The following ZFP69 variants were observed in gnomAD, a reference collection of about 807,000 sequenced individuals.
ZFP69 encodes ZFP69 zinc finger protein, also known as zinc finger protein 69 homolog.
Under a neutral mutation model 48.9 loss-of-function variants are expected in ZFP69, and 35 were observed. That is an observed-to-expected ratio of 0.72 (90% confidence interval 0.55 to 0.95). The LOEUF (loss-of-function observed/expected upper bound fraction) is 0.95, where lower values mean the gene tolerates loss of function less well. Among genes scored for constraint, ZFP69 ranks in the 40% least tolerant of loss-of-function variants. The pLI, the probability that ZFP69 is intolerant of heterozygous loss-of-function variation, is 0.00. For missense variants in ZFP69, 557 were observed against 638.4 expected (o/e 0.87, Z 1.37); for synonymous variants, 193 against 216.8 (o/e 0.89, Z 0.96).
At chr1:40,487,775 G>A (rs1194997734) in intron 3 of ZFP69, among the ~76,000 whole-genome samples, 5 of 152,126 alleles carry the variant, frequency 3.3e-5, no homozygotes, top group African/African-American at 1.2e-4. Context: ...GGCCGGGCGC[G>A]GTGGCTCACG....
intron 1 of ZFP69, among the ~76,000 whole-genome samples, chr1:40,478,305 T>C (rs1351392043): frequency 2.0e-5 from 3 of 152,200 alleles, no homozygotes; most frequent in African/African-American, 4.8e-5. Flanking sequence ...GTTGAGATGA[T>C]GGATTTGAGT....
At position 40,489,703 on chromosome 1, in the gene ZFP69, G is replaced by T. The variant is rs10157181; in HGVS notation, c.442+79G>T. 6 of 1,061,618 alleles carry T rather than the reference G, an allele frequency of 5.7e-6. No homozygotes were observed. In the African/African-American group the frequency reaches 8.1e-5, roughly 14 times the overall value. The allele number at this position is 1,061,618 out of a possible 1,614,324, so 65.8% of individuals were successfully genotyped here. On this transcript the variant is annotated intron_variant, in intron 5 of 5. Coordinates refer to ENST00000372706, the MANE Select transcript of ZFP69 (RefSeq NM_001320179.2). ...ACTTCATAATTTATAAAGAAAAGAA[G>T]TTTAATTGGCTAATGATTCTGCAGG...
intron 5 of ZFP69, among the ~76,000 whole-genome samples, chr1:40,494,256 A>ATTT (rs11286167): frequency 0.017 from 883 of 51,940 alleles, 41 homozygotes; most frequent in Non-Finnish European, 0.021. Flanking sequence ...AAGATTCAAA[A>ATTT]TTTTTTTTTT....
Position 40,496,084 on chromosome 1 carries a change from A to AAAG in ZFP69, c.*26_*28dup, listed in dbSNP as rs1405757096. ...AAAACAGATATTTGACTTGAGAACA[A>AAAG]AAGCCAAGTGTAAATTGGTGATTTA... On this transcript the variant is annotated 3_prime_UTR_variant, in exon 6 of 6. Transcript: ENST00000372706. 6.5e-7 allele frequency: 1 copy of AAAG among 1,533,978 alleles called. No individual in the cohort carries two copies. Among genetic ancestry groups the AAAG allele is most frequent in the East Asian group, 2.3e-5 (1 of 44,224 alleles).
intron 3 of ZFP69, among the ~76,000 whole-genome samples, chr1:40,486,597 T>C (rs1645502927): frequency 6.6e-6 from 1 of 151,654 alleles, no homozygotes; most frequent in Non-Finnish European, 1.5e-5. Context: ...TTTTGTATTT[T>C]TTTTTGTAGA....
chr1:40,486,412 CCCTCCCTCCCTTCCTTCCTTCCTTCCCTT>C (rs1557545709), intron 3 of ZFP69, among the ~76,000 whole-genome samples: 1 of 137,306 alleles, frequency 7.3e-6, no homozygotes, highest in African/African-American at 2.7e-5. Context: ...CTCCTTTCCT[CCCTCCCTCCCTTCCTTCCTTCCTTCCCTT>C]CCTCCCTCCC....
At chr1:40,491,996 AC>A (rs1469980330) in intron 5 of ZFP69, among the ~76,000 whole-genome samples, 2 of 151,784 alleles carry the variant, frequency 1.3e-5, no homozygotes, top group Non-Finnish European at 2.9e-5. Flanking sequence ...TTTTTAAGAA[AC>A]CCTTTTATGC....
At chr1:40,489,364 C>A in intron 4 of ZFP69, 150 bp downstream of exon 4, 1 of 1,227,604 alleles carries the variant, frequency 8.1e-7, no homozygotes, top group Non-Finnish European at 1.1e-6. Context: ...AGGGCATATC[C>A]AATTTGACTT....
chr1:40,493,947 A>G (rs1226639658), intron 5 of ZFP69, among the ~76,000 whole-genome samples: 2 of 152,192 alleles, frequency 1.3e-5, no homozygotes, highest in Non-Finnish European at 1.5e-5. Flanking sequence ...GTTTCTTACA[A>G]GTCTCCTTTG....
At chr1:40,494,694 T>C (rs1645609429) in intron 5 of ZFP69, among the ~76,000 whole-genome samples, 1 of 144,374 alleles carries the variant, frequency 6.9e-6, no homozygotes, top group Admixed American at 7.0e-5. Flanking sequence ...GTATATAAAA[T>C]ATACATTATA....
intron 3 of ZFP69, among the ~76,000 whole-genome samples, chr1:40,486,338 T>G (rs1390692418): frequency 6.6e-6 from 1 of 152,096 alleles, no homozygotes; most frequent in Non-Finnish European, 1.5e-5. Flanking sequence ...AAATATTTTT[T>G]CTACCTATTC....
chr1:40,481,908 A>T, intron 3 of ZFP69, 54 bp downstream of exon 3: 1 of 1,400,198 alleles, frequency 7.1e-7, no homozygotes, highest in Non-Finnish European at 1.0e-6. Flanking sequence ...TTTTTAGGGT[A>T]TATAACCTGT....
chr1:40,487,335 A>G lies in ZFP69; in HGVS notation c.220-1753A>G, dbSNP rs1260722977. Among the ~76,000 whole-genome samples the G allele has an allele frequency of 2.6e-5, 4 of 152,126 alleles. No individual in the cohort carries two copies. In the East Asian group the frequency reaches 7.7e-4, roughly 29 times the overall value. The stretch of plus-strand genomic sequence containing the variant: ...TTGGAGATTTGTGACAATTTGAAAA[A>G]ACTTGCAGATGGACCATGTAGCCTA... On this transcript the variant is annotated intron_variant, in intron 3 of 5. Transcript: ENST00000372706.
chr1:40,489,254 T>G (rs751553991), intron 4 of ZFP69, 40 bp downstream of exon 4: 2 of 1,599,818 alleles, frequency 1.3e-6, no homozygotes, highest in Non-Finnish European at 1.7e-6. Flanking sequence ...ACCCACCCAT[T>G]ACAGGAGAGT....
At chr1:40,493,328 A>G (rs989070073) in intron 5 of ZFP69, 2 of 152,064 alleles carry the variant, frequency 1.3e-5, no homozygotes, top group African/African-American at 2.4e-5. Context: ...ATTAATTCCA[A>G]TCACTCTTTG....
At chr1:40,486,420 CCCTTCCTT>C (rs145923208) in intron 3 of ZFP69, among the ~76,000 whole-genome samples, 2 of 133,904 alleles carry the variant, frequency 1.5e-5, no homozygotes, top group African/African-American at 2.9e-5. Flanking sequence ...CTCCCTCCCT[CCCTTCCTT>C]CCTTCCTTCC....
chr1:40,488,169 A>G (rs1213121232), intron 3 of ZFP69, among the ~76,000 whole-genome samples: 1 of 105,714 alleles, frequency 9.5e-6, no homozygotes, highest in Non-Finnish European at 1.8e-5. Context: ...TTTTGTATGT[A>G]TACACACACA....
Position 40,484,772 on chromosome 1 carries a change from G to A in ZFP69, c.219+2918G>A, listed in dbSNP as rs555721478. ...TTTTTTTTGTATTTTTAGCAGAGAC[G>A]AGGTTTTACTGTGTTAGCCAGGATG... On this transcript the variant is annotated intron_variant, in intron 3 of 5. Coordinates refer to ENST00000372706, the MANE Select transcript of ZFP69 (RefSeq NM_001320179.2). 2.1e-4 allele frequency among the ~76,000 whole-genome samples: 32 copies of A among 150,490 alleles called. No individual in the cohort carries two copies. The South Asian group carries it at 3.4e-3, about 16-fold the overall frequency.
At chr1:40,489,687 T>A in intron 5 of ZFP69, 63 bp downstream of exon 5, 1 of 1,248,106 alleles carries the variant, frequency 8.0e-7, no homozygotes, top group Non-Finnish European at 1.1e-6. Context: ...AACTTCATAA[T>A]TTATAAAGAA....
Sources: allele counts gnomAD v4.1 joint callset (sites outside exome capture counted in the v4.1 genomes callset), GRCh38; gene constraint gnomAD v4.1.1; transcripts MANE v1.5; gene names NCBI Gene and HGNC (gene_info 2026-07-23, HGNC 2026-07-21).